The following NCAM1 variants were observed in gnomAD, a reference collection of about 807,000 sequenced individuals.
NCAM1 encodes the protein antigen recognized by monoclonal antibody 5.1H11.
NCAM1 carries 14 observed loss-of-function variants against 109.8 expected under a neutral mutation model. The observed-to-expected ratio is 0.13, with a 90% CI of 0.08 to 0.20. The LOEUF is 0.20. NCAM1 is among the 10% of genes least tolerant of loss of function. NCAM1 has a pLI of 1.00. For missense variants in NCAM1, 774 were observed against 1,109.9 expected (o/e 0.70, Z 4.30); for synonymous variants, 418 against 442.9 (o/e 0.94, Z 0.70).
chr11:113,246,059 A>G (rs1945492708), intron 14 of NCAM1: 1 of 461,790 alleles, frequency 2.2e-6, no homozygotes, highest in South Asian at 4.2e-5. Flanking sequence ...GCCGTAGCTA[A>G]TGCTTATTGG....
At chr11:113,073,072 C>A (rs782214127) in intron 1 of NCAM1, among the ~76,000 whole-genome samples, 3 of 152,122 alleles carry the variant, frequency 2.0e-5, no homozygotes, top group African/African-American at 7.2e-5. Flanking sequence ...AACTCAATTA[C>A]TCTAAATATC....
At chr11:113,193,546 G>A (rs1440432995) in intron 1 of NCAM1, among the ~76,000 whole-genome samples, 2 of 152,142 alleles carry the variant, frequency 1.3e-5, no homozygotes, top group African/African-American at 4.8e-5. Flanking sequence ...TCAGCTACTT[G>A]GGAGGATGAG....
At chr11:113,205,961 G>A (rs1944224065) in intron 4 of NCAM1, 82 bp from the exon 5 acceptor site, 2 of 1,551,290 alleles carry the variant, frequency 1.3e-6, no homozygotes, top group Non-Finnish European at 1.8e-6. Flanking sequence ...CTGAAGTTAG[G>A]AAAAAGGAAA....
chr11:113,166,682 A>G (rs181553803), intron 1 of NCAM1, among the ~76,000 whole-genome samples: 8 of 152,252 alleles, frequency 5.3e-5, no homozygotes, highest in Admixed American at 5.2e-4. Flanking sequence ...AGCCTTTCAG[A>G]TCCTCAGTTC....
At chr11:113,022,576 C>A (rs1952422354) in intron 1 of NCAM1, among the ~76,000 whole-genome samples, 1 of 152,050 alleles carries the variant, frequency 6.6e-6, no homozygotes, top group South Asian at 2.1e-4. Context: ...AGAGAGATGG[C>A]CAAGGAAGCA....
chr11:113,188,760 A>G (rs1289322332), intron 1 of NCAM1, among the ~76,000 whole-genome samples: 1 of 152,172 alleles, frequency 6.6e-6, no homozygotes, highest in Non-Finnish European at 1.5e-5. Context: ...ACTTTTGGTC[A>G]CTAACATTCC....
chr11:113,226,219 T>G (rs1555116196), intron 9 of NCAM1, among the ~76,000 whole-genome samples: 3 of 152,002 alleles, frequency 2.0e-5, no homozygotes. Context: ...AGGCTCAAAA[T>G]AAAGGGATGG....
chr11:113,223,734 G>C (rs999087963), intron 9 of NCAM1, among the ~76,000 whole-genome samples: 1 of 152,136 alleles, frequency 6.6e-6, no homozygotes, highest in African/African-American at 2.4e-5. Flanking sequence ...TTCAGTTGCT[G>C]GTTGATATCA....
chr11:113,161,428 C>G (rs1045554782), intron 1 of NCAM1, among the ~76,000 whole-genome samples: 3 of 152,014 alleles, frequency 2.0e-5, no homozygotes, highest in African/African-American at 7.2e-5. Flanking sequence ...TCCAGGTGTT[C>G]ATAAGAGGCT....
At chr11:113,235,258 C>G (rs1250202932) in intron 14 of NCAM1, 94 bp downstream of exon 14, 7 of 1,607,474 alleles carry the variant, frequency 4.4e-6, no homozygotes, top group Non-Finnish European at 5.9e-6. Context: ...ATTGTTCAGA[C>G]CACAGCTTTT....
At position 113,273,975 on chromosome 11, in the gene NCAM1, T is replaced by C; in HGVS notation, c.2457-1292T>C. On this transcript the variant is annotated intron_variant, in intron 19 of 19. Transcript: ENST00000316851. This position sits in a 1 kb window ranked among gnomAD's most constrained non-coding sequence, Gnocchi z 6.0. ...AGGCCATGTTAATTATGTTTTATCCTTATCATCCTAGCAGCGGCTTCTGTT... is the reference window on the plus strand; with the variant it reads ...AGGCCATGTTAATTATGTTTTATCCCTATCATCCTAGCAGCGGCTTCTGTT... 1 of 159,946 alleles carries C rather than the reference T, an allele frequency of 6.3e-6. No homozygotes were observed. The highest frequency in any genetic ancestry group is 1.6e-4 in the South Asian group (1 of 6,078). The allele number at this position is 159,946 out of a possible 1,614,324, so 9.9% of individuals were successfully genotyped here.
At chr11:113,211,300 G>T (rs1944385661) in intron 7 of NCAM1, among the ~76,000 whole-genome samples, 1 of 152,192 alleles carries the variant, frequency 6.6e-6, no homozygotes, top group Non-Finnish European at 1.5e-5. Flanking sequence ...GAAACCTGTA[G>T]CTTAGATAGT....
chr11:113,048,263 G>T (rs12575544), intron 1 of NCAM1, among the ~76,000 whole-genome samples: 2 of 151,998 alleles, frequency 1.3e-5, no homozygotes, highest in African/African-American at 2.4e-5. Context: ...TGACAGAAAC[G>T]TTGAAAACTT....
chr11:113,031,552 C>T (rs1555078337), intron 1 of NCAM1, among the ~76,000 whole-genome samples: 1 of 151,950 alleles, frequency 6.6e-6, no homozygotes, highest in African/African-American at 2.4e-5. Flanking sequence ...TTTAGCCGGG[C>T]GTGGTGGCAG....
Position 113,265,058 on chromosome 11 carries a change from A to C in NCAM1, c.2131+4735A>C, listed in dbSNP as rs1466231840. ...CACACACCATGGGGCCCCTTTGCTC[A>C]TTTTTGGACTATTTATACAGCAGGT... On this transcript the variant is annotated intron_variant, in intron 17 of 19. Transcript: ENST00000316851. 3.0e-6 allele frequency: 3 copies of C among 985,204 alleles called. No homozygotes were observed. In the African/African-American group the frequency reaches 5.2e-5, roughly 17 times the overall value. 61.0% of individuals were successfully genotyped at this position (985,204 alleles called of 1,614,324 possible). A position where few individuals can be genotyped will look rare whatever the true frequency, so the allele number is the denominator to read the frequency against.
At chr11:113,031,696 AG>A (rs1555078370) in intron 1 of NCAM1, among the ~76,000 whole-genome samples, 1 of 151,810 alleles carries the variant, frequency 6.6e-6, no homozygotes, top group Non-Finnish European at 1.5e-5. Context: ...CAAAAAAAAA[AG>A]AAAAGAAAAA....
chr11:113,126,982 C>T (rs1555097246), intron 1 of NCAM1, among the ~76,000 whole-genome samples: 1 of 152,220 alleles, frequency 6.6e-6, no homozygotes, highest in Non-Finnish European at 1.5e-5. Flanking sequence ...ATAAATCCTC[C>T]CTCCTGTTTG....
chr11:112,961,495 T>A lies in NCAM1; in HGVS notation c.-118T>A, dbSNP rs782710076. 1 of 799,100 alleles carries A rather than the reference T, an allele frequency of 1.3e-6. No homozygotes were observed. Among genetic ancestry groups the A allele is most frequent in the Non-Finnish European group, 2.3e-6 (1 of 436,068 alleles). The allele number at this position is 799,100 out of a possible 1,614,324, so 49.5% of individuals were successfully genotyped here. ...AACAATTCTGCAAAAATAATCATAC[T>A]CAGCCTGGCAATTGTCTGCCCCTAG... On this transcript the variant is annotated 5_prime_UTR_variant, in exon 1 of 20. Coordinates refer to ENST00000316851, the MANE Select transcript of NCAM1 (RefSeq NM_181351.5).
intron 1 of NCAM1, among the ~76,000 whole-genome samples, chr11:113,101,960 G>A (rs1222588005): frequency 1.6e-4 from 25 of 152,104 alleles, no homozygotes; most frequent in Non-Finnish European, 8.8e-5. Context: ...ATGATGTTCT[G>A]TTAGTTTTTT....
Sources: allele counts gnomAD v4.1 joint callset (sites outside exome capture counted in the v4.1 genomes callset), GRCh38; gene constraint gnomAD v4.1.1; non-coding constraint Gnocchi (gnomAD v3.1); transcripts MANE v1.5; gene names NCBI Gene and HGNC (gene_info 2026-07-23, HGNC 2026-07-21).